The following DDX60 variants were observed in gnomAD, a reference collection of about 807,000 sequenced individuals.
DDX60 encodes the protein probable ATP-dependent RNA helicase DDX60.
In DDX60, 165 loss-of-function variants were observed where a neutral mutation model predicts 212.8. The observed-to-expected ratio is 0.78, with a 90% CI of 0.68 to 0.88. The LOEUF is 0.88. Among genes scored for constraint, DDX60 ranks in the 40% least tolerant of loss-of-function variants. The pLI is 0.00. For missense variants in DDX60, 1,905 were observed against 2,003.9 expected (o/e 0.95, Z 0.94); for synonymous variants, 703 against 685.3 (o/e 1.03, Z -0.40).
chr4:168,280,419 T>C lies in DDX60; in HGVS notation c.1894A>G (p.Ser632Gly). ...SLEDFLKSCK[S>G]SCVKLQVEMV... ...TCAACCTGAAGTTTCACACAGCTAC[T>C]TTTACAGGATTTCAAAAAATCTTCC... Residue 632 changes from serine (S) to glycine (G), a missense_variant, in exon 14 of 38, where the codon AGT becomes GGT. Coordinates refer to ENST00000393743, the MANE Select transcript of DDX60 (RefSeq NM_017631.6). 6.2e-7 allele frequency: 1 copy of C among 1,614,202 alleles called. No individual in the cohort carries two copies. Among genetic ancestry groups the C allele is most frequent in the Non-Finnish European group, 8.5e-7 (1 of 1,180,028 alleles).
At position 168,252,552 on chromosome 4, in the gene DDX60, G is replaced by A. The variant is rs1460370516; in HGVS notation, c.3662C>T (p.Pro1221Leu). The change falls in exon 27 of 38, where the codon CCA becomes CTA. Residue 1221 changes from proline to leucine, a missense_variant. Transcript: ENST00000393743. ...TTGATCAGCATATGTGCAGTCCTGT[G>A]GGATTTCCAGGTTCTTCTCTAGACA... ...VKCLEKNLEI[P>L]QDCTYADQKA... is the part of the protein sequence containing the mutation. 1 of 1,613,772 alleles carries A rather than the reference G, an allele frequency of 6.2e-7. No homozygotes were observed. The highest frequency in any genetic ancestry group is 8.5e-7 in the Non-Finnish European group (1 of 1,179,930).
chr4:168,267,712 T>C, intron 21 of DDX60, 21 bp from the exon 22 acceptor site: 1 of 1,560,982 alleles, frequency 6.4e-7, no homozygotes, highest in Non-Finnish European at 8.7e-7. Context: ...AGAACAAGAA[T>C]TTCCACATCA....
In DDX60 at chr4:168,273,814, G is replaced by A. The variant is rs898541636; in HGVS notation, c.2454+120C>T. The A allele has an allele frequency of 4.2e-6, 5 of 1,197,724 alleles. No individual in the cohort carries two copies. The African/African-American group carries it at 4.6e-5, about 11-fold the overall frequency. 74.2% of individuals were successfully genotyped at this position (1,197,724 alleles called of 1,614,324 possible). The stretch of plus-strand genomic sequence containing the variant: ...GTATATTATTTTAGCTTCAGACACT[G>A]AAACAAGAAAATGCAGGTTAAAAAA... On this transcript the variant is annotated intron_variant, in intron 17 of 37. Transcript: ENST00000393743.
intron 3 of DDX60, among the ~76,000 whole-genome samples, chr4:168,309,094 T>G (rs1737019289): frequency 6.6e-6 from 1 of 152,204 alleles, no homozygotes; most frequent in Admixed American, 6.5e-5. Flanking sequence ...TAGTACATAC[T>G]GTACTACTGT....
At chr4:168,267,237 G>T (rs1458190772) in intron 22 of DDX60, among the ~76,000 whole-genome samples, 1 of 152,128 alleles carries the variant, frequency 6.6e-6, no homozygotes, top group Non-Finnish European at 1.5e-5. Flanking sequence ...TTGTATGGCT[G>T]CACTATGAGA....
intron 35 of DDX60, 131 bp downstream of exon 35, chr4:168,224,112 T>C (rs1384511683): frequency 1.1e-6 from 1 of 937,146 alleles, no homozygotes; most frequent in Admixed American, 2.6e-5. Flanking sequence ...CCTGAATATA[T>C]CTGTTGATAC....
At chr4:168,297,130 C>G (rs1036954132) in intron 6 of DDX60, among the ~76,000 whole-genome samples, 1 of 151,806 alleles carries the variant, frequency 6.6e-6, no homozygotes, top group East Asian at 1.9e-4. Flanking sequence ...AGAATGGTCT[C>G]AATCTCTTGA....
chr4:168,221,820 A>G lies in DDX60; in HGVS notation c.4886T>C (p.Phe1629Ser). The G allele has an allele frequency of 6.2e-7, 1 of 1,613,400 alleles. No individual in the cohort carries two copies. The highest frequency in any genetic ancestry group is 8.5e-7 in the Non-Finnish European group (1 of 1,179,570). Residue 1629 changes from phenylalanine to serine, a missense_variant, in exon 36 of 38, where the codon TTT becomes TCT. Phe to Ser is a radical substitution (Grantham distance 155). Transcript: ENST00000393743. ...CGACATTTTCCTTCCTCGGTTATCA[A>G]ATTTCTGTGACAACAGCACTGGAGC... Reference protein sequence around the residue: ...SQAPVLLSQKFDNRGRKMSLN... With the variant: ...SQAPVLLSQKSDNRGRKMSLN...
At position 168,237,675 on chromosome 4, in the gene DDX60, G is replaced by T; in HGVS notation, c.4269+16C>A. ...AGTAATGCTATTTCCCAAAACAAAA[G>T]TGCAGTAATGCATACCTCTTTCACC... is the stretch of plus-strand genomic sequence containing the variant. On this transcript the variant is annotated intron_variant, in intron 31 of 37. Transcript: ENST00000393743. 6.3e-7 allele frequency: 1 copy of T among 1,593,070 alleles called. No individual in the cohort carries two copies. The highest frequency in any genetic ancestry group is 8.6e-7 in the Non-Finnish European group (1 of 1,164,964).
At chr4:168,251,838 A>G (rs1734232090) in intron 27 of DDX60, among the ~76,000 whole-genome samples, 1 of 152,228 alleles carries the variant, frequency 6.6e-6, no homozygotes, top group African/African-American at 2.4e-5. Context: ...TTGTATGTGT[A>G]TAGTCACAGG....
chr4:168,297,350 G>GAAAGAA (rs1736422733), intron 6 of DDX60, among the ~76,000 whole-genome samples: 1 of 79,968 alleles, frequency 1.3e-5, no homozygotes, highest in Non-Finnish European at 2.3e-5. Flanking sequence ...AAGAAAGAAA[G>GAAAGAA]AAAGAAAGAA....
intron 16 of DDX60, 81 bp downstream of exon 16, chr4:168,275,264 G>A: frequency 8.0e-7 from 1 of 1,254,364 alleles, no homozygotes; most frequent in Admixed American, 2.6e-5. Context: ...AATATAACAT[G>A]TACAGCCACA....
Position 168,283,496 on chromosome 4 carries a change from T to A in DDX60, c.1672A>T (p.Thr558Ser). The change falls in exon 13 of 38, where the codon ACT becomes TCT. Residue 558 changes from threonine (T) to serine (S), a missense_variant. By Grantham distance (58) the Thr-to-Ser change is moderately conservative. Coordinates refer to ENST00000393743, the MANE Select transcript of DDX60 (RefSeq NM_017631.6). ...CTAAAATCCTTCTTTGACTTAATAG[T>A]TTGAGTCACGATGATTTTCGAAGAG... ...TVSSKIIVTQ[T>S]IKSKKDFSGP... The A allele has an allele frequency of 6.2e-7, 1 of 1,613,580 alleles. No individual in the cohort carries two copies. The highest frequency in any genetic ancestry group is 8.5e-7 in the Non-Finnish European group (1 of 1,179,672).
At chr4:168,278,284 G>T (rs974406934) in intron 14 of DDX60, among the ~76,000 whole-genome samples, 1 of 152,198 alleles carries the variant, frequency 6.6e-6, no homozygotes, top group African/African-American at 2.4e-5. Flanking sequence ...TGCTAGTTTT[G>T]CTGTTGCACC....
At chr4:168,265,835 AGGAAG>A (rs138501508) in intron 22 of DDX60, among the ~76,000 whole-genome samples, 19,709 of 88,552 alleles carry the variant, frequency 0.22, 2,519 homozygotes, top group South Asian at 0.34. Flanking sequence ...GAAGGAGGGA[AGGAAG>A]GGAAGGGAAG....
intron 15 of DDX60, 85 bp downstream of exon 15, chr4:168,275,928 ATC>A: frequency 2.5e-6 from 3 of 1,223,488 alleles, no homozygotes; most frequent in Non-Finnish European, 3.3e-6. Context: ...AAAAAAAAAA[ATC>A]TGGAAGAGAT....
intron 13 of DDX60, among the ~76,000 whole-genome samples, chr4:168,280,973 C>T (rs536215703): frequency 2.0e-5 from 3 of 152,122 alleles, no homozygotes; most frequent in African/African-American, 7.2e-5. Context: ...AACCTCTTAC[C>T]TACTAAAAAT....
At chr4:168,232,593 A>G (rs114154372) in intron 33 of DDX60, among the ~76,000 whole-genome samples, 2,401 of 152,188 alleles carry the variant, frequency 0.016, 58 homozygotes, top group African/African-American at 0.053. Flanking sequence ...AAACCAAATG[A>G]AAACATAAAA....
chr4:168,287,013 T>C, intron 10 of DDX60, 35 bp downstream of exon 10: 1 of 1,530,878 alleles, frequency 6.5e-7, no homozygotes. Flanking sequence ...AGAGGAATAA[T>C]GCTTTCATTT....
Sources: allele counts gnomAD v4.1 joint callset (sites outside exome capture counted in the v4.1 genomes callset), GRCh38; gene constraint gnomAD v4.1.1; transcripts MANE v1.5; gene names NCBI Gene and HGNC (gene_info 2026-07-23, HGNC 2026-07-21).